Variants in ESRRG observed in about 807,000 individuals in gnomAD.
The protein encoded by ESRRG is estrogen-related receptor gamma.
Under a neutral mutation model 44.0 loss-of-function variants are expected in ESRRG, and 13 were observed. The ratio of observed to expected loss-of-function variants is 0.30; its 90% CI spans 0.19 to 0.47. The LOEUF is 0.47. ESRRG is among the 20% of genes least tolerant of loss of function. The pLI is 1.00. For synonymous variants in ESRRG, 215 were observed against 214.6 expected (o/e 1.00, Z -0.02); for missense variants, 395 against 580.6 (o/e 0.68, Z 3.29).
chr1:216,647,186 C>A (rs1229724936), intron 3 of ESRRG, among the ~76,000 whole-genome samples: 1 of 151,816 alleles, frequency 6.6e-6, no homozygotes, highest in East Asian at 1.9e-4. Flanking sequence ...TTCAAATAAG[C>A]AATACCTGAA....
intron 3 of ESRRG, among the ~76,000 whole-genome samples, chr1:216,638,129 G>A (rs1384199477): frequency 1.3e-5 from 2 of 152,094 alleles, no homozygotes; most frequent in Non-Finnish European, 2.9e-5. Flanking sequence ...TTTGCTCCAT[G>A]AGACATCCCA....
intron 2 of ESRRG, among the ~76,000 whole-genome samples, chr1:216,836,955 C>A (rs1482679032): frequency 2.0e-5 from 3 of 152,032 alleles, no homozygotes; most frequent in Admixed American, 6.6e-5. Context: ...CAAAAACACA[C>A]CACAGACACA....
chr1:216,564,106 A>G (rs2059264436), intron 5 of ESRRG, 113 bp downstream of exon 5: 1 of 540,672 alleles, frequency 1.8e-6, no homozygotes, highest in Admixed American at 3.6e-5. Context: ...AAATAAATGT[A>G]AAGGGTTTTT....
chr1:216,815,018 A>G (rs2095090417), intron 2 of ESRRG, among the ~76,000 whole-genome samples: 4 of 152,194 alleles, frequency 2.6e-5, no homozygotes, highest in Admixed American at 2.6e-4. Flanking sequence ...CCTCACTTTA[A>G]TCAAGAATAG....
chr1:216,993,191 G>T (rs1207917074), intron 1 of ESRRG, among the ~76,000 whole-genome samples: 1 of 152,150 alleles, frequency 6.6e-6, no homozygotes, highest in African/African-American at 2.4e-5. Flanking sequence ...CTGCAAAGTA[G>T]TATATTTAGC....
intron 4 of ESRRG, 149 bp downstream of exon 4, chr1:216,567,839 C>A: frequency 1.7e-6 from 1 of 593,128 alleles, no homozygotes. Context: ...TCGCTCCTCA[C>A]AGACAATCTT....
chr1:216,774,351 G>C (rs754842023), intron 2 of ESRRG, among the ~76,000 whole-genome samples: 2 of 152,112 alleles, frequency 1.3e-5, no homozygotes, highest in Non-Finnish European at 2.9e-5. Context: ...TTAGAGTGCT[G>C]CTCATGTCAT....
intron 2 of ESRRG, among the ~76,000 whole-genome samples, chr1:216,676,061 TAAAC>T (rs1170532102): frequency 7.2e-5 from 11 of 152,328 alleles, no homozygotes; most frequent in African/African-American, 2.6e-4. Flanking sequence ...ACACATTTTG[TAAAC>T]CACTGAGCAG....
chr1:216,681,046 A>G (rs1170714777), intron 1 of ESRRG, among the ~76,000 whole-genome samples: 2 of 152,234 alleles, frequency 1.3e-5, no homozygotes, highest in Non-Finnish European at 2.9e-5. Flanking sequence ...TTGGATTAAT[A>G]AAAATCTAAA....
chr1:216,962,632 G>A (rs1384576734), intron 1 of ESRRG, among the ~76,000 whole-genome samples: 1 of 150,868 alleles, frequency 6.6e-6, no homozygotes. Flanking sequence ...TTCACTGCTA[G>A]GCTAACAAAT....
In ESRRG at chr1:216,504,118, T is replaced by G. The variant is rs2040813657; in HGVS notation, c.*2821A>C. The G allele has an allele frequency of 6.6e-6, 1 of 152,512 alleles. No homozygotes were observed. The allele number at this position is 152,512 out of a possible 1,614,324, so 9.4% of individuals were successfully genotyped here. ...ATCTCATTCTTTGAACATATCTCCA[T>G]CTCAGGTTTTCAGTTGGTTGGCTCT... is the stretch of plus-strand genomic sequence containing the variant. On this transcript the variant is annotated 3_prime_UTR_variant, in exon 7 of 7. Coordinates refer to ENST00000408911, the MANE Select transcript of ESRRG (RefSeq NM_001438.4).
chr1:217,133,505 T>C (rs1444287805), intron 1 of ESRRG, among the ~76,000 whole-genome samples: 2 of 152,252 alleles, frequency 1.3e-5, no homozygotes, highest in Non-Finnish European at 2.9e-5. Flanking sequence ...TAAATGTGTC[T>C]GAGGGTCCTT....
chr1:216,609,093 G>A (rs991167637), intron 3 of ESRRG, among the ~76,000 whole-genome samples: 6 of 152,118 alleles, frequency 3.9e-5, no homozygotes, highest in South Asian at 2.1e-4. Flanking sequence ...AAATTAGTAC[G>A]TTGTAATGTG....
At chr1:216,703,363 T>A (rs930855996) in intron 1 of ESRRG, among the ~76,000 whole-genome samples, 4 of 152,214 alleles carry the variant, frequency 2.6e-5, no homozygotes, top group African/African-American at 9.7e-5. Context: ...TCATCTGTGT[T>A]GGGCCGCATT....
chr1:216,787,742 C>G (rs568583550), intron 2 of ESRRG, among the ~76,000 whole-genome samples: 1 of 152,126 alleles, frequency 6.6e-6, no homozygotes, highest in African/African-American at 2.4e-5. Flanking sequence ...CCAAGATAGG[C>G]CATAAGCTAG....
At chr1:217,058,265 A>T (rs963308803) in intron 1 of ESRRG, among the ~76,000 whole-genome samples, 2 of 152,186 alleles carry the variant, frequency 1.3e-5, no homozygotes, top group African/African-American at 4.8e-5. Context: ...AAAATAGAGT[A>T]GCCTGCTTAA....
intron 3 of ESRRG, among the ~76,000 whole-genome samples, chr1:216,604,712 A>G (rs748536876): frequency 2.6e-5 from 4 of 152,202 alleles, no homozygotes; most frequent in Non-Finnish European, 5.9e-5. Flanking sequence ...TCTTGATCCA[A>G]TAATCTGTTG....
intron 1 of ESRRG, among the ~76,000 whole-genome samples, chr1:217,116,903 T>A (rs958222378): frequency 2.0e-5 from 3 of 152,230 alleles, no homozygotes; most frequent in Non-Finnish European, 2.9e-5. Context: ...AGAATGGGCA[T>A]GCAGTAACTG....
chr1:216,786,516 A>G (rs2094132192), intron 2 of ESRRG, among the ~76,000 whole-genome samples: 2 of 152,148 alleles, frequency 1.3e-5, no homozygotes, highest in Non-Finnish European at 2.9e-5. Flanking sequence ...AAACAAATAC[A>G]TTGAGAAAGT....
Sources: allele counts gnomAD v4.1 joint callset (sites outside exome capture counted in the v4.1 genomes callset), GRCh38; gene constraint gnomAD v4.1.1; transcripts MANE v1.5; gene names NCBI Gene and HGNC (gene_info 2026-07-23, HGNC 2026-07-21).